Variants in KCNQ1OT1 observed in about 807,000 individuals in gnomAD.
KCNQ1OT1 encodes KCNQ1 opposite strand/antisense transcript 1.
At chr11:2,629,051 C>CTA in exon 1 of KCNQ1OT1, 3 of 398,152 alleles carry the variant, frequency 7.5e-6, no homozygotes, top group Non-Finnish European at 1.3e-5. Flanking sequence ...TCTTATTGCT[C>CTA]AAGTATGCTT....
At chr11:2,633,031 C>A in exon 1 of KCNQ1OT1, 1 of 398,492 alleles carries the variant, frequency 2.5e-6, no homozygotes, top group Admixed American at 4.4e-5. Context: ...TATAGTCCCA[C>A]AAATAGTGTA....
At chr11:2,694,891 G>A (rs537571135) in exon 1 of KCNQ1OT1, 2 of 398,652 alleles carry the variant, frequency 5.0e-6, no homozygotes, top group East Asian at 3.6e-5. Flanking sequence ...GAATTGTCAA[G>A]GGAAGATCAC....
Position 2,621,329 on chromosome 11 carries a change from G to T in KCNQ1OT1, n.78666C>A. 2.5e-6 allele frequency: 1 copy of T among 398,314 alleles called. No individual in the cohort carries two copies. The highest frequency in any genetic ancestry group is 1.3e-4 in the South Asian group (1 of 7,844). 24.7% of individuals were successfully genotyped at this position (398,314 alleles called of 1,614,324 possible). ...TGATCATGAGAATGTTTTTTTGTTT[G>T]GCTACTTCTGTATTTTCTTTTAAGA... On this transcript the variant is annotated non_coding_transcript_exon_variant, in exon 1 of 1. Transcript: ENST00000597346. The surrounding 1 kb of genome is among the most constrained non-coding windows in gnomAD (Gnocchi z 5.7).
At chr11:2,694,532 G>A (rs1054639184) in exon 1 of KCNQ1OT1, 1 of 398,692 alleles carries the variant, frequency 2.5e-6, no homozygotes, top group Admixed American at 4.4e-5. Context: ...CAAGGGGTCA[G>A]ATTTTGACAT....
Position 2,653,496 on chromosome 11 carries a change from A to C in KCNQ1OT1, n.46499T>G, listed in dbSNP as rs190315984. On this transcript the variant is annotated non_coding_transcript_exon_variant, in exon 1 of 1. Coordinates refer to ENST00000597346, the Ensembl canonical transcript of KCNQ1OT1. The surrounding 1 kb of genome is among the most constrained non-coding windows in gnomAD (Gnocchi z 5.3). ...GCTGTTTCAGACACAGCTGGACCCC[A>C]GAGCTGAGATGATCTTGCTCACTTG... 4 of 398,656 alleles carry C rather than the reference A, an allele frequency of 1.0e-5. No individual in the cohort carries two copies. In the East Asian group the frequency reaches 1.1e-4, roughly 11 times the overall value. The allele number at this position is 398,656 out of a possible 1,614,324, so 24.7% of individuals were successfully genotyped here. A position where few individuals can be genotyped will look rare whatever the true frequency, so the allele number is the denominator to read the frequency against.
In KCNQ1OT1 at chr11:2,668,364, C is replaced by G; in HGVS notation, n.31631G>C. 2.5e-6 allele frequency: 1 copy of G among 398,616 alleles called. No homozygotes were observed. The highest frequency in any genetic ancestry group is 4.4e-5 in the Admixed American group (1 of 22,740). 24.7% of individuals were successfully genotyped at this position (398,616 alleles called of 1,614,324 possible). On this transcript the variant is annotated non_coding_transcript_exon_variant, in exon 1 of 1. Coordinates refer to ENST00000597346, the Ensembl canonical transcript of KCNQ1OT1. The surrounding 1 kb of genome is among the most constrained non-coding windows in gnomAD (Gnocchi z 4.3). ...GGTCCTGGGTGGGCATATGTTTACT[C>G]TTAGTGAATACTACCCAGCAGTCTA...
exon 1 of KCNQ1OT1, chr11:2,614,864 A>G (rs1849036157): frequency 5.0e-6 from 2 of 398,244 alleles, no homozygotes; most frequent in Non-Finnish European, 8.9e-6. Context: ...ATGATTTTAG[A>G]TTGTTTGGGG....
rs1177793967 is a variant in KCNQ1OT1 at position 2,687,668 on chromosome 11, G to A, written n.12327C>T. The A allele has an allele frequency of 5.0e-6, 2 of 398,556 alleles. No homozygotes were observed. Among genetic ancestry groups the A allele is most frequent in the Admixed American group, 4.4e-5 (1 of 22,722 alleles). 24.7% of individuals were successfully genotyped at this position (398,556 alleles called of 1,614,324 possible). On this transcript the variant is annotated non_coding_transcript_exon_variant, in exon 1 of 1. Coordinates refer to ENST00000597346, the Ensembl canonical transcript of KCNQ1OT1. This position sits in a 1 kb window ranked among gnomAD's most constrained non-coding sequence, Gnocchi z 5.0. ...ATTGGGACCTGTCCTTGCCAGCCAG[G>A]TCTCAGGGAGCTCAGGGTTCAGTGT...
rs530865565 is a variant in KCNQ1OT1, at chr11:2,683,114, C to T, written n.16881G>A. 4 of 356,950 alleles carry T rather than the reference C, an allele frequency of 1.1e-5. No individual in the cohort carries two copies. Among genetic ancestry groups the T allele is most frequent in the East Asian group, 4.1e-5 (1 of 24,674 alleles). The allele number at this position is 356,950 out of a possible 1,614,324, so 22.1% of individuals were successfully genotyped here. A position where few individuals can be genotyped will look rare whatever the true frequency, so the allele number is the denominator to read the frequency against. ...AGATTTTCTTGTTCCCAGGATATAT[C>T]GCACCAACTCAGGAGGGTGTGGGGA... On this transcript the variant is annotated non_coding_transcript_exon_variant, in exon 1 of 1. Transcript: ENST00000597346. The surrounding 1 kb of genome is among the most constrained non-coding windows in gnomAD (Gnocchi z 4.7).
chr11:2,648,188 G>A (rs1249295721), exon 1 of KCNQ1OT1: 1 of 366,252 alleles, frequency 2.7e-6, no homozygotes, highest in Non-Finnish European at 4.8e-6. Context: ...CTGGGTGACA[G>A]AGTGAGACCG....
At position 2,611,150 on chromosome 11, in the gene KCNQ1OT1, A is replaced by G. The variant is rs1203592266; in HGVS notation, n.88845T>C. On this transcript the variant is annotated non_coding_transcript_exon_variant, in exon 1 of 1. Transcript: ENST00000597346. The surrounding 1 kb of genome is among the most constrained non-coding windows in gnomAD (Gnocchi z 5.3). ...TTCCTGTTAAATTTTCCCTTTTGTCATTGTAAAATGCTTCTCAGTATCTCT... is the reference window on the plus strand; with the variant it reads ...TTCCTGTTAAATTTTCCCTTTTGTCGTTGTAAAATGCTTCTCAGTATCTCT... 2.5e-6 allele frequency: 1 copy of G among 398,076 alleles called. No individual in the cohort carries two copies. Among genetic ancestry groups the G allele is most frequent in the Middle Eastern group, 6.3e-4 (1 of 1,586 alleles). 24.7% of individuals were successfully genotyped at this position (398,076 alleles called of 1,614,324 possible). A position where few individuals can be genotyped will look rare whatever the true frequency, so the allele number is the denominator to read the frequency against.
At position 2,651,055 on chromosome 11, in the gene KCNQ1OT1, AC is replaced by A; in HGVS notation, n.48939del. The A allele has an allele frequency of 2.5e-6, 1 of 398,864 alleles. No individual in the cohort carries two copies. Among genetic ancestry groups the A allele is most frequent in the Non-Finnish European group, 4.4e-6 (1 of 226,258 alleles). The allele number at this position is 398,864 out of a possible 1,614,324, so 24.7% of individuals were successfully genotyped here. On this transcript the variant is annotated non_coding_transcript_exon_variant, in exon 1 of 1. Transcript: ENST00000597346. This position sits in a 1 kb window ranked among gnomAD's most constrained non-coding sequence, Gnocchi z 6.1. Reference sequence around the variant, plus strand: ...TAAAACCACCACCATTTCTCTGCCTACATTGTTGTCCATACCTCATTACTGG... The same window carrying A: ...TAAAACCACCACCATTTCTCTGCCTAATTGTTGTCCATACCTCATTACTGG...
exon 1 of KCNQ1OT1, chr11:2,648,006 G>A (rs1849692585): frequency 2.5e-6 from 1 of 396,690 alleles, no homozygotes; most frequent in East Asian, 3.6e-5. Context: ...TTGAGTCCAG[G>A]AGTTTGAGAC....
At chr11:2,681,430 C>G (rs1850395136) in exon 1 of KCNQ1OT1, 1 of 398,334 alleles carries the variant, frequency 2.5e-6, no homozygotes, top group South Asian at 1.3e-4. Context: ...TGTGACAGCT[C>G]TAGGGGATTT....
exon 1 of KCNQ1OT1, chr11:2,686,022 T>C: frequency 2.5e-6 from 1 of 399,114 alleles, no homozygotes; most frequent in Admixed American, 4.4e-5. Context: ...GGGCTCACTC[T>C]AAGCCCCGCC....
exon 1 of KCNQ1OT1, chr11:2,609,997 C>T (rs1046714049): frequency 2.0e-5 from 8 of 397,822 alleles, no homozygotes; most frequent in African/African-American, 1.6e-4. Flanking sequence ...ATTGTTTAAT[C>T]CATTCACATT....
exon 1 of KCNQ1OT1, chr11:2,681,570 C>T (rs758653571): frequency 5.0e-6 from 2 of 398,384 alleles, no homozygotes; most frequent in African/African-American, 2.1e-5. Flanking sequence ...AGTAACTTCC[C>T]TTTTCAGGAA....
rs1849083434 is a variant in KCNQ1OT1, at chr11:2,617,307, C to G, written n.82688G>C. 1 of 398,224 alleles carries G rather than the reference C, an allele frequency of 2.5e-6. No individual in the cohort carries two copies. Among genetic ancestry groups the G allele is most frequent in the African/African-American group, 2.1e-5 (1 of 48,592 alleles). The allele number at this position is 398,224 out of a possible 1,614,324, so 24.7% of individuals were successfully genotyped here. On this transcript the variant is annotated non_coding_transcript_exon_variant, in exon 1 of 1. Coordinates refer to ENST00000597346, the Ensembl canonical transcript of KCNQ1OT1. The surrounding 1 kb of genome is among the most constrained non-coding windows in gnomAD (Gnocchi z 4.6). ...TGACTTTTTTCTTTTTAAGATTCTA[C>G]ATATAGGTGAGATTATTTAAAACTT...
chr11:2,691,079 A>G lies in KCNQ1OT1; in HGVS notation n.8916T>C. On this transcript the variant is annotated non_coding_transcript_exon_variant, in exon 1 of 1. Transcript: ENST00000597346. The surrounding 1 kb of genome is among the most constrained non-coding windows in gnomAD (Gnocchi z 6.4). ...GAAATAATGGAGGCACCTTTGTTCT[A>G]GATGCCTGCAGATTCCTGACAACAG... 2.5e-6 allele frequency: 1 copy of G among 398,654 alleles called. No individual in the cohort carries two copies. Among genetic ancestry groups the G allele is most frequent in the Non-Finnish European group, 4.4e-6 (1 of 226,088 alleles). The allele number at this position is 398,654 out of a possible 1,614,324, so 24.7% of individuals were successfully genotyped here. A position where few individuals can be genotyped will look rare whatever the true frequency, so the allele number is the denominator to read the frequency against.
Sources: allele counts gnomAD v4.1 joint callset, GRCh38; gene constraint gnomAD v4.1.1; non-coding constraint Gnocchi (gnomAD v3.1); transcripts MANE v1.5; gene names NCBI Gene and HGNC (gene_info 2026-07-23, HGNC 2026-07-21).